The following PDGFD variants were observed in gnomAD, a reference collection of about 807,000 sequenced individuals.
The protein encoded by PDGFD is platelet derived growth factor D.
A neutral mutation model predicts 44.7 loss-of-function variants in PDGFD; 30 were observed. That is an observed-to-expected ratio of 0.67 (90% CI 0.50 to 0.91). PDGFD has a LOEUF of 0.91. PDGFD is among the 40% of genes least tolerant of loss of function. PDGFD has a pLI of 0.00. For missense variants in PDGFD, 445 were observed against 457.8 expected, an observed-to-expected ratio of 0.97 and a Z score of 0.25; for synonymous variants, 173 against 168.4, an observed-to-expected ratio of 1.03 and a Z score of -0.21.
rs1555057307 is a variant in PDGFD, at chr11:104,137,378, A to AAAT, written c.124+26423_124+26425dup. On this transcript the variant is annotated intron_variant, in intron 1 of 6. Coordinates refer to ENST00000393158, the MANE Select transcript of PDGFD (RefSeq NM_025208.5). ...AACAGAGACTTAAACAGAAAAAAAA[A>AAAT]AATGGAATAAAGTAGAATGACTGGC... 5.9e-5 allele frequency among the ~76,000 whole-genome samples: 9 copies of AAAT among 152,142 alleles called. No individual in the cohort carries two copies. The East Asian group carries it at 1.5e-3, about 26-fold the overall frequency.
At chr11:104,109,613 T>G (rs11226161) in intron 1 of PDGFD, among the ~76,000 whole-genome samples, 15,678 of 152,150 alleles carry the variant, frequency 0.1, 961 homozygotes, top group East Asian at 0.32. Flanking sequence ...TGTTGCAATT[T>G]GTAATAATGA....
intron 6 of PDGFD, among the ~76,000 whole-genome samples, chr11:103,921,553 A>G (rs1373268296): frequency 6.6e-6 from 1 of 152,012 alleles, no homozygotes; most frequent in Admixed American, 6.6e-5. Flanking sequence ...GAGGTTAAAA[A>G]TATTTTAAGT....
At chr11:104,118,468 TTA>T (rs1338656750) in intron 1 of PDGFD, among the ~76,000 whole-genome samples, 10 of 151,632 alleles carry the variant, frequency 6.6e-5, no homozygotes, top group African/African-American at 2.4e-4. Context: ...GTCATTCAGT[TTA>T]TGTTATCTTG....
At chr11:104,159,695 TG>T (rs1862362125) in intron 1 of PDGFD, among the ~76,000 whole-genome samples, 1 of 152,208 alleles carries the variant, frequency 6.6e-6, no homozygotes, top group African/African-American at 2.4e-5. Flanking sequence ...CTCTGTGGGC[TG>T]GGCTCCATTG....
chr11:104,067,822 C>T (rs891999094), intron 1 of PDGFD, among the ~76,000 whole-genome samples: 1 of 152,038 alleles, frequency 6.6e-6, no homozygotes, highest in Non-Finnish European at 1.5e-5. Flanking sequence ...GTACATAGAG[C>T]AGTTATGCTC....
At chr11:104,036,669 A>AT in intron 1 of PDGFD, 1 of 649,322 alleles carries the variant, frequency 1.5e-6, no homozygotes, top group Non-Finnish European at 2.7e-6. Flanking sequence ...CCCCAGACAG[A>AT]TGAGTGTCCG....
intron 3 of PDGFD, among the ~76,000 whole-genome samples, chr11:103,948,039 C>T (rs1163268094): frequency 1.3e-5 from 2 of 152,172 alleles, no homozygotes; most frequent in Non-Finnish European, 2.9e-5. Context: ...TTCCTTTCCT[C>T]AGCTAGTATG....
intron 3 of PDGFD, among the ~76,000 whole-genome samples, chr11:103,955,952 C>T (rs186073398): frequency 5.3e-5 from 8 of 152,062 alleles, no homozygotes; most frequent in Admixed American, 5.2e-4. Context: ...TCCACGTAAT[C>T]TTGGTGCTAG....
chr11:104,060,848 A>G (rs1283535298), intron 1 of PDGFD, among the ~76,000 whole-genome samples: 1 of 152,220 alleles, frequency 6.6e-6, no homozygotes, highest in East Asian at 1.9e-4. Context: ...ACTGGAGTAA[A>G]ATATACATCA....
chr11:104,102,662 A>C (rs1327006860), intron 1 of PDGFD, among the ~76,000 whole-genome samples: 1 of 152,208 alleles, frequency 6.6e-6, no homozygotes, highest in Non-Finnish European at 1.5e-5. Context: ...ACAACAGCAA[A>C]GACTTGGAAC....
At chr11:104,038,132 G>T in intron 1 of PDGFD, 1 of 1,030,248 alleles carries the variant, frequency 9.7e-7, no homozygotes, top group South Asian at 1.7e-5. Context: ...ACCTGGCCTT[G>T]GGACTACGTT....
At chr11:104,145,089 G>GGAAA in intron 1 of PDGFD, among the ~76,000 whole-genome samples, 12 of 152,184 alleles carry the variant, frequency 7.9e-5, no homozygotes, top group Admixed American at 7.9e-4. Context: ...ATAATAAGTG[G>GGAAA]TGTTATTGTT....
intron 1 of PDGFD, among the ~76,000 whole-genome samples, chr11:104,163,055 G>C (rs1401771254): frequency 6.6e-6 from 1 of 152,174 alleles, no homozygotes. Context: ...AAGCTGGCTT[G>C]GGACCTTGCT....
intron 1 of PDGFD, among the ~76,000 whole-genome samples, chr11:104,011,081 T>C (rs934159608): frequency 6.6e-6 from 1 of 152,142 alleles, no homozygotes; most frequent in East Asian, 1.9e-4. Context: ...TTATAAATAT[T>C]GTCAATAATG....
At chr11:103,923,778 G>A (rs1858261810) in intron 6 of PDGFD, among the ~76,000 whole-genome samples, 1 of 152,162 alleles carries the variant, frequency 6.6e-6, no homozygotes, top group Admixed American at 6.5e-5. Context: ...GTTTGTTCCA[G>A]GTAAGCAGTT....
At position 104,093,245 on chromosome 11, in the gene PDGFD, G is replaced by A. The variant is rs563112284; in HGVS notation, c.124+70559C>T. 1.3e-4 allele frequency among the ~76,000 whole-genome samples: 20 copies of A among 152,146 alleles called. No individual in the cohort carries two copies. In the East Asian group the frequency reaches 2.9e-3, roughly 22 times the overall value. On this transcript the variant is annotated intron_variant, in intron 1 of 6. Coordinates refer to ENST00000393158, the MANE Select transcript of PDGFD (RefSeq NM_025208.5). ...TGATCAAATTCTAGAGAAAAGTGAT[G>A]GGGGGAGGTGATGGGAGATTTGAAT... is the stretch of plus-strand genomic sequence containing the variant.
At chr11:104,024,843 C>T (rs571233313) in intron 1 of PDGFD, among the ~76,000 whole-genome samples, 2 of 152,212 alleles carry the variant, frequency 1.3e-5, no homozygotes, top group Non-Finnish European at 2.9e-5. Context: ...AGTGTCAAAT[C>T]TGTATAATCT....
chr11:104,028,892 A>G (rs1860085878), intron 1 of PDGFD, among the ~76,000 whole-genome samples: 1 of 152,102 alleles, frequency 6.6e-6, no homozygotes. Context: ...CAATGATACT[A>G]TCTTCTTTCT....
intron 1 of PDGFD, among the ~76,000 whole-genome samples, chr11:104,103,551 T>G (rs1436633142): frequency 6.7e-6 from 1 of 149,878 alleles, no homozygotes; most frequent in Non-Finnish European, 1.5e-5. Flanking sequence ...ATTGTGAAAA[T>G]ATTACATGCA....
Sources: gnomAD v4.1 joint callset for allele counts (sites outside exome capture counted in the v4.1 genomes callset) on GRCh38, gnomAD v4.1.1 for gene constraint, MANE v1.5 for transcripts, NCBI Gene and HGNC (gene_info 2026-07-23, HGNC 2026-07-21) for gene names.